RUBCN: variants seen among roughly 807,000 people sequenced by gnomAD.
RUBCN encodes the protein run domain Beclin-1-interacting and cysteine-rich domain-containing protein.
In RUBCN, 74 loss-of-function variants were observed where a neutral mutation model predicts 113.2. The observed-to-expected ratio is 0.65, with a 90% CI of 0.54 to 0.79. The LOEUF is 0.79. Among genes scored for constraint, RUBCN ranks in the 30% least tolerant of loss-of-function variants. The probability of loss-of-function intolerance (pLI) is 0.00; values close to 1 mark genes in which losing one functional copy is unlikely to be tolerated. For synonymous variants in RUBCN, 480 were observed against 490.0 expected (o/e 0.98, Z 0.27); for missense variants, 1,109 against 1,251.7 (o/e 0.89, Z 1.72).
At chr3:197,676,586 G>A (rs1720457707) in intron 18 of RUBCN, 2 of 1,260,232 alleles carry the variant, frequency 1.6e-6, no homozygotes, top group African/African-American at 1.5e-5. Flanking sequence ...TTGCTGGGAT[G>A]AGAGGCCTAA....
chr3:197,700,090 C>T (rs1043411249), intron 7 of RUBCN, among the ~76,000 whole-genome samples: 3 of 152,194 alleles, frequency 2.0e-5, no homozygotes, highest in Non-Finnish European at 4.4e-5. Flanking sequence ...CCTTATCTGA[C>T]GGCCTCTCAC....
At chr3:197,717,825 G>T in intron 2 of RUBCN, 152 bp downstream of exon 2, 1 of 788,516 alleles carries the variant, frequency 1.3e-6, no homozygotes, top group Non-Finnish European at 2.2e-6. Context: ...CAGACACGAT[G>T]TGAAACGTTC....
intron 1 of RUBCN, among the ~76,000 whole-genome samples, chr3:197,736,201 C>T (rs1322606244): frequency 2.0e-5 from 3 of 152,200 alleles, no homozygotes; most frequent in African/African-American, 7.2e-5. Flanking sequence ...TCTTCCGAGG[C>T]CACTCATAAC....
In RUBCN at chr3:197,696,888, C is replaced by A. The variant is rs536347032; in HGVS notation, c.1357+66G>T. 32 of 878,848 alleles carry A rather than the reference C, an allele frequency of 3.6e-5. No homozygotes were observed. The South Asian group carries it at 4.2e-4, about 12-fold the overall frequency. 54.4% of individuals were successfully genotyped at this position (878,848 alleles called of 1,614,324 possible). On this transcript the variant is annotated intron_variant, in intron 8 of 19. Transcript: ENST00000296343. ...CTGAGATGAACCCCAAAACTCAGAA[C>A]TTAGCAGGCACAAGGGGTGAGCAGA...
chr3:197,678,687 G>C (rs919202452), intron 16 of RUBCN, among the ~76,000 whole-genome samples: 1 of 147,520 alleles, frequency 6.8e-6, no homozygotes, highest in African/African-American at 2.5e-5. Context: ...CTGACAACTG[G>C]CTCCAGACTG....
At chr3:197,739,913 G>T (rs1423920865), upstream of RUBCN, among the ~76,000 whole-genome samples, 1 of 152,078 alleles carries the variant, frequency 6.6e-6, no homozygotes, top group Non-Finnish European at 1.5e-5. Flanking sequence ...AGTGGCACAC[G>T]CCTGTAATCC....
At chr3:197,740,607 C>A (rs1728487401), upstream of RUBCN, among the ~76,000 whole-genome samples, 2 of 151,976 alleles carry the variant, frequency 1.3e-5, no homozygotes, top group Admixed American at 6.6e-5. Flanking sequence ...TAAGGAATAT[C>A]CCTAGAAATA....
chr3:197,719,799 C>A (rs1725943768), intron 1 of RUBCN, among the ~76,000 whole-genome samples: 5 of 152,152 alleles, frequency 3.3e-5, no homozygotes, highest in Admixed American at 3.3e-4. Context: ...TATTTAGTGT[C>A]ACCTTTTTAA....
In RUBCN at chr3:197,693,839, G is replaced by C. The variant is rs564512871; in HGVS notation, c.1685-23C>G. ...AGCCTGTTATGTTTAAAAACAAAAAGGAATAAACAGGGCAGAAAGAGGTCT... is the reference window on the plus strand; with the variant it reads ...AGCCTGTTATGTTTAAAAACAAAAACGAATAAACAGGGCAGAAAGAGGTCT... On this transcript the variant is annotated intron_variant, in intron 10 of 19. Transcript: ENST00000296343. 2.9e-5 allele frequency: 44 copies of C among 1,518,390 alleles called. No individual in the cohort carries two copies. In the South Asian group the frequency reaches 4.4e-4, roughly 15 times the overall value. The allele number at this position is 1,518,390 out of a possible 1,614,324, so 94.1% of individuals were successfully genotyped here.
chr3:197,720,058 A>C (rs1725974212), intron 1 of RUBCN, among the ~76,000 whole-genome samples: 1 of 151,982 alleles, frequency 6.6e-6, no homozygotes, highest in Non-Finnish European at 1.5e-5. Flanking sequence ...GGCCCTGTTG[A>C]CCGATCTCTC....
At position 197,683,589 on chromosome 3, in the gene RUBCN, ACAGT is replaced by A. The variant is rs1721511030; in HGVS notation, c.1848-154_1848-151del. 3.5e-6 allele frequency: 3 copies of A among 864,172 alleles called. No individual in the cohort carries two copies. The highest frequency in any genetic ancestry group is 2.6e-5 in the East Asian group (1 of 37,770). 53.5% of individuals were successfully genotyped at this position (864,172 alleles called of 1,614,324 possible). A position where few individuals can be genotyped will look rare whatever the true frequency, so the allele number is the denominator to read the frequency against. The stretch of plus-strand genomic sequence containing the variant: ...CCTGCTCATCACCCTCACACATGGG[ACAGT>A]CAAAGTCCACTAGTCTCACGGTCCT... On this transcript the variant is annotated intron_variant, in intron 12 of 19. Transcript: ENST00000296343. This position sits in a 1 kb window ranked among gnomAD's most constrained non-coding sequence, Gnocchi z 4.6.
intron 1 of RUBCN, among the ~76,000 whole-genome samples, chr3:197,724,869 T>C (rs1356748792): frequency 2.6e-5 from 4 of 152,200 alleles, no homozygotes; most frequent in African/African-American, 9.6e-5. Flanking sequence ...AGGGCTTTCC[T>C]GAGACTAGCG....
intron 1 of RUBCN, among the ~76,000 whole-genome samples, chr3:197,731,772 G>T (rs931448348): frequency 6.6e-6 from 1 of 151,358 alleles, no homozygotes; most frequent in Non-Finnish European, 1.5e-5. Context: ...CCTCCCTCCC[G>T]GATGGGGCGG....
At chr3:197,714,550 T>C (rs941047907) in intron 2 of RUBCN, among the ~76,000 whole-genome samples, 2 of 152,336 alleles carry the variant, frequency 1.3e-5, no homozygotes, top group East Asian at 1.9e-4. Flanking sequence ...CTTGTATTCC[T>C]GGCCTCAAAT....
chr3:197,702,262 C>T (rs542654427), intron 5 of RUBCN, among the ~76,000 whole-genome samples: 1 of 152,318 alleles, frequency 6.6e-6, no homozygotes, highest in East Asian at 1.9e-4. Flanking sequence ...GAGATCAATG[C>T]CCACTTCACA....
At position 197,700,743 on chromosome 3, in the gene RUBCN, C is replaced by A. The variant is rs372132361; in HGVS notation, c.1131G>T (p.Glu377Asp). ...TGCGGAGGACACTGGACAGCTGGCT[C>A]TCCCCACCTCCTTCCTGGTCCCCTA... ...SSLGDQEGGGESQLSSVLRRS... is the reference protein window; with the variant it reads ...SSLGDQEGGGDSQLSSVLRRS... The change falls in exon 7 of 20, where the codon GAG (glutamate) becomes GAT (aspartate). Residue 377 changes from glutamate to aspartate, a missense_variant. Physicochemically the swap from Glu to Asp is conservative, Grantham distance 45. Around this residue, in one of 3 missense-constraint regions of RUBCN, gnomAD observed 736 missense variants for 779.6 expected, o/e 0.94. Coordinates refer to ENST00000296343, the MANE Select transcript of RUBCN (RefSeq NM_014687.4). The A allele has an allele frequency of 1.3e-5, 21 of 1,614,104 alleles. No homozygotes were observed. In the South Asian group the frequency reaches 1.4e-4, roughly 11 times the overall value.
At chr3:197,682,432 G>A (rs1232104549) in intron 14 of RUBCN, 38 bp downstream of exon 14, 4 of 1,612,528 alleles carry the variant, frequency 2.5e-6, no homozygotes, top group Non-Finnish European at 3.4e-6. Flanking sequence ...AAAGAGGACG[G>A]ATCTGTGCTC....
chr3:197,749,390 G>T, exon 1 of RUBCN: 6 of 1,186,638 alleles, frequency 5.1e-6, no homozygotes, highest in Non-Finnish European at 6.4e-6. Context: ...GAGTTAAGGT[G>T]ACGCAGGAAC....
chr3:197,671,394 T>G lies in RUBCN; in HGVS notation c.*3624A>C, dbSNP rs1248019305. 1 of 152,126 alleles carries G rather than the reference T, an allele frequency of 6.6e-6. No individual in the cohort carries two copies. Among genetic ancestry groups the G allele is most frequent in the Admixed American group, 6.5e-5 (1 of 15,276 alleles). 9.4% of individuals were successfully genotyped at this position (152,126 alleles called of 1,614,324 possible). On this transcript the variant is annotated 3_prime_UTR_variant, in exon 20 of 20. Coordinates refer to ENST00000296343, the MANE Select transcript of RUBCN (RefSeq NM_014687.4). ...AATGTATGATCAAGAACACCTGAAT[T>G]TGTGTGCTAGTGGCAGAAAAGTAAT...
Sources: allele counts gnomAD v4.1 joint callset (sites outside exome capture counted in the v4.1 genomes callset), GRCh38; gene constraint gnomAD v4.1.1; regional missense constraint gnomAD v4.1.1; non-coding constraint Gnocchi (gnomAD v3.1); transcripts MANE v1.5; gene names NCBI Gene and HGNC (gene_info 2026-07-23, HGNC 2026-07-21).